The following POLH variants were observed in gnomAD, a reference collection of about 807,000 sequenced individuals.
POLH encodes the protein DNA polymerase eta transcript.
A neutral mutation model predicts 73.6 loss-of-function variants in POLH; 53 were observed. The ratio of observed to expected loss-of-function variants is 0.72; its 90% CI spans 0.58 to 0.91. The LOEUF is 0.91. POLH is among the 40% of genes least tolerant of loss of function. The pLI is 0.00. For synonymous variants in POLH, 292 were observed against 308.5 expected (o/e 0.95, Z 0.56); for missense variants, 768 against 865.4 (o/e 0.89, Z 1.41).
intron 4 of POLH, among the ~76,000 whole-genome samples, chr6:43,592,404 C>CTTTTTTTT (rs897203358): frequency 7.6e-6 from 1 of 131,818 alleles, no homozygotes; most frequent in African/African-American, 2.9e-5. Flanking sequence ...TTTGTATCTT[C>CTTTTTTTT]TTTTTTTTTT....
In POLH at chr6:43,593,812, A is replaced by G. The variant is rs113914708; in HGVS notation, c.491-3884A>G. Among the ~76,000 whole-genome samples, 55 of 149,726 alleles carry G rather than the reference A, an allele frequency of 3.7e-4. 1 individual carries two copies. The highest frequency in any genetic ancestry group is 3.4e-3 in the Middle Eastern group (1 of 292). ...GGAGAATTACTTGAACCCAGGAGGC[A>G]GAGGTTGCAGTGAGCTGAGATTGCG... On this transcript the variant is annotated intron_variant, in intron 4 of 10. Transcript: ENST00000372236.
At chr6:43,605,229 GA>G in intron 8 of POLH, 24 bp from the exon 9 acceptor site, 1 of 1,405,008 alleles carries the variant, frequency 7.1e-7, no homozygotes, top group Non-Finnish European at 1.0e-6. Flanking sequence ...TTAAATGAAA[GA>G]TTAAAGTCTC....
At position 43,613,697 on chromosome 6, in the gene POLH, A is replaced by G. The variant is rs1768130993; in HGVS notation, c.1282A>G (p.Lys428Glu). Residue 428 changes from lysine (K) to glutamate (E), a missense_variant, in exon 11 of 11, where the codon AAA (lysine) becomes GAA (glutamate). Physicochemically the swap from Lys to Glu is moderately conservative, Grantham distance 56. Transcript: ENST00000372236. ...CACAATGCTTTTCCTCTGTGCTACA[A>G]AATTTTCTGCCTCTGCCCCTTCATC... ...PLTMLFLCAT[K>E]FSASAPSSST... The G allele has an allele frequency of 6.2e-7, 1 of 1,614,020 alleles. No individual in the cohort carries two copies. Among genetic ancestry groups the G allele is most frequent in the Non-Finnish European group, 8.5e-7 (1 of 1,180,000 alleles).
chr6:43,608,372 C>G (rs1312090804), intron 9 of POLH, among the ~76,000 whole-genome samples: 1 of 152,162 alleles, frequency 6.6e-6, no homozygotes, highest in Non-Finnish European at 1.5e-5. Flanking sequence ...CTCGTTGCTC[C>G]TTTTTAGCTG....
chr6:43,606,342 CTCTA>C (rs1582312209), intron 9 of POLH, among the ~76,000 whole-genome samples: 1 of 151,748 alleles, frequency 6.6e-6, no homozygotes, highest in Non-Finnish European at 1.5e-5. Flanking sequence ...CTGTTTTATT[CTCTA>C]TCTCTGTATA....
At chr6:43,581,496 G>A (rs1181365241) in intron 1 of POLH, among the ~76,000 whole-genome samples, 1 of 148,856 alleles carries the variant, frequency 6.7e-6, no homozygotes, top group Non-Finnish European at 1.5e-5. Context: ...CGGGGTGGCG[G>A]CCGGGCAGAG....
intron 5 of POLH, 75 bp from the exon 6 acceptor site, chr6:43,600,913 G>GTT (rs1230047857): frequency 1.1e-6 from 1 of 882,110 alleles, no homozygotes; most frequent in African/African-American, 1.6e-5. Context: ...GTGTGTGTAT[G>GTT]TTATGTGTAT....
Position 43,619,564 on chromosome 6 carries a change from T to A in POLH, c.*5007T>A, listed in dbSNP as rs886061472. 5.3e-5 allele frequency among the ~76,000 whole-genome samples: 8 copies of A among 152,144 alleles called. No homozygotes were observed. The highest frequency in any genetic ancestry group is 1.2e-4 in the Non-Finnish European group (8 of 68,034). ...TACCACAATTGGGATCATAAACATG[T>A]ATAAACTCCTTGGGAGTCTGCCTTA... On this transcript the variant is annotated 3_prime_UTR_variant, in exon 11 of 11. Coordinates refer to ENST00000372236, the MANE Select transcript of POLH (RefSeq NM_006502.3).
rs1049984714 is a variant in POLH at position 43,615,708 on chromosome 6, C to CT, written c.*1152dup. The CT allele has an allele frequency of 2.6e-5, 4 of 151,714 alleles. No individual in the cohort carries two copies. The highest frequency in any genetic ancestry group is 9.7e-5 in the African/African-American group (4 of 41,268). 9.4% of individuals were successfully genotyped at this position (151,714 alleles called of 1,614,324 possible). ...TTTATTTTTGAGACGGAGTCTCCCT[C>CT]TGTCGTCAGGCTAGAATGCAGTGGT... On this transcript the variant is annotated 3_prime_UTR_variant, in exon 11 of 11. Transcript: ENST00000372236.
chr6:43,591,169 T>G (rs1396415233), intron 4 of POLH: 1 of 152,158 alleles, frequency 6.6e-6, no homozygotes, highest in African/African-American at 2.4e-5. Context: ...GATGTGCCAC[T>G]TATAGAGGAA....
chr6:43,580,940 G>C (rs1308931015), intron 1 of POLH, among the ~76,000 whole-genome samples: 1 of 147,256 alleles, frequency 6.8e-6, no homozygotes, highest in Admixed American at 6.7e-5. Flanking sequence ...CAGGCGGGGG[G>C]CTGACCCCCC....
intron 4 of POLH, chr6:43,588,133 A>G (rs1468139675): frequency 6.2e-6 from 1 of 160,076 alleles, no homozygotes; most frequent in Non-Finnish European, 1.4e-5. Flanking sequence ...CATATATAAG[A>G]AGGGTGAGCT....
At chr6:43,602,239 GAGA>G (rs1766815944) in intron 6 of POLH, among the ~76,000 whole-genome samples, 1 of 152,178 alleles carries the variant, frequency 6.6e-6, no homozygotes, top group Non-Finnish European at 1.5e-5. Flanking sequence ...GTAGGCATTA[GAGA>G]AGAAGCCAAG....
chr6:43,579,390 G>A (rs893122918), intron 1 of POLH, among the ~76,000 whole-genome samples: 2 of 152,114 alleles, frequency 1.3e-5, no homozygotes, highest in Non-Finnish European at 2.9e-5. Context: ...ATTTCTACAC[G>A]GATGTCAGTC....
At chr6:43,602,995 C>CTTTTT (rs59306548) in intron 6 of POLH, among the ~76,000 whole-genome samples, 2 of 114,018 alleles carry the variant, frequency 1.8e-5, no homozygotes, top group African/African-American at 3.9e-5. Context: ...TTATGTATTC[C>CTTTTT]TTTTTTTTTT....
intron 3 of POLH, among the ~76,000 whole-genome samples, chr6:43,584,648 T>G (rs1764607769): frequency 6.6e-6 from 1 of 152,154 alleles, no homozygotes; most frequent in African/African-American, 2.4e-5. Context: ...TGGCATCAGA[T>G]TCCACATGTT....
At chr6:43,600,945 T>A in intron 5 of POLH, 43 bp from the exon 6 acceptor site, 1 of 1,217,650 alleles carries the variant, frequency 8.2e-7, no homozygotes, top group East Asian at 2.3e-5. Flanking sequence ...CCAACTTTGA[T>A]GGGTTGACAG....
At chr6:43,607,450 T>G (rs1767430493) in intron 9 of POLH, among the ~76,000 whole-genome samples, 2 of 152,222 alleles carry the variant, frequency 1.3e-5, no homozygotes, top group African/African-American at 4.8e-5. Context: ...TATACCATAT[T>G]TTGCTTATCT....
intron 2 of POLH, among the ~76,000 whole-genome samples, chr6:43,582,669 C>T (rs1427603710): frequency 1.3e-5 from 2 of 152,022 alleles, no homozygotes; most frequent in Non-Finnish European, 2.9e-5. Context: ...ACTACAGGAG[C>T]GCCCCACCAT....
Sources: allele counts gnomAD v4.1 joint callset (sites outside exome capture counted in the v4.1 genomes callset), GRCh38; gene constraint gnomAD v4.1.1; transcripts MANE v1.5; gene names NCBI Gene and HGNC (gene_info 2026-07-23, HGNC 2026-07-21).